The following MAGI2 variants were observed in gnomAD, a reference collection of about 807,000 sequenced individuals.
MAGI2 encodes membrane associated guanylate kinase, WW and PDZ domain containing 2, also known as membrane-associated guanylate kinase, WW and PDZ domain-containing protein 2.
In MAGI2, 35 loss-of-function variants were observed where a neutral mutation model predicts 133.3. The observed-to-expected ratio is 0.26, with a 90% CI of 0.20 to 0.35. The LOEUF (loss-of-function observed/expected upper bound fraction) is 0.35. Among genes scored for constraint, MAGI2 ranks in the 10% least tolerant of loss-of-function variants. The probability of loss-of-function intolerance (pLI) is 1.00; values close to 1 mark genes in which losing one functional copy is unlikely to be tolerated. For missense variants in MAGI2, 1,636 were observed against 1,863.4 expected (o/e 0.88, Z 2.25); for synonymous variants, 729 against 710.6 (o/e 1.03, Z -0.41).
intron 3 of MAGI2, among the ~76,000 whole-genome samples, chr7:78,548,937 T>A (rs930292094): frequency 6.6e-6 from 1 of 152,370 alleles, no homozygotes; most frequent in African/African-American, 2.4e-5. Flanking sequence ...TTAAAAAGCA[T>A]ACTGCCTTTC....
At chr7:78,275,532 T>A (rs1219421794) in intron 9 of MAGI2, among the ~76,000 whole-genome samples, 2 of 152,090 alleles carry the variant, frequency 1.3e-5, no homozygotes, top group African/African-American at 4.8e-5. Flanking sequence ...CTAGTCAGCC[T>A]GCCCAAGTCC....
chr7:79,101,971 C>G (rs1818024456), intron 1 of MAGI2, among the ~76,000 whole-genome samples: 1 of 151,898 alleles, frequency 6.6e-6, no homozygotes, highest in Admixed American at 6.6e-5. Context: ...TCACAGTAGA[C>G]TATGGCATGT....
chr7:78,397,877 T>G (rs1391225860), intron 6 of MAGI2, among the ~76,000 whole-genome samples: 1 of 152,166 alleles, frequency 6.6e-6, no homozygotes, highest in Non-Finnish European at 1.5e-5. Context: ...GGGCAACATA[T>G]TATATTTTTC....
intron 1 of MAGI2, among the ~76,000 whole-genome samples, chr7:79,273,017 C>T (rs574295777): frequency 6.6e-6 from 1 of 152,120 alleles, no homozygotes; most frequent in South Asian, 2.1e-4. Flanking sequence ...TTCCAAATTT[C>T]TGGAGGTTTT....
intron 1 of MAGI2, chr7:79,412,951 T>C (rs1585887883): frequency 6.6e-6 from 1 of 152,258 alleles, no homozygotes; most frequent in East Asian, 1.9e-4. Flanking sequence ...GGAGAAAATA[T>C]CCTCAAATCT....
chr7:78,511,513 T>A (rs971358435), intron 4 of MAGI2, among the ~76,000 whole-genome samples: 9 of 138,614 alleles, frequency 6.5e-5, no homozygotes, highest in Non-Finnish European at 1.0e-4. Flanking sequence ...GTATAGTGAC[T>A]TTTTTTTGCT....
At chr7:78,578,654 A>C (rs2150801035) in intron 3 of MAGI2, among the ~76,000 whole-genome samples, 1 of 152,262 alleles carries the variant, frequency 6.6e-6, no homozygotes, top group South Asian at 2.1e-4. Context: ...GAAAGGAAGA[A>C]GGAGGACTGC....
At chr7:78,235,536 G>A (rs996317200) in intron 10 of MAGI2, among the ~76,000 whole-genome samples, 2 of 152,026 alleles carry the variant, frequency 1.3e-5, no homozygotes, top group African/African-American at 4.8e-5. Context: ...GAGATCTGAT[G>A]GTTTTATGAG....
At position 78,427,501 on chromosome 7, in the gene MAGI2, T is replaced by G. The variant is rs76275945; in HGVS notation, c.1046-58288A>C. Among the ~76,000 whole-genome samples the G allele has an allele frequency of 8.3e-3, 1,270 of 152,256 alleles. 14 individuals are homozygous for G. Among genetic ancestry groups the G allele is most frequent in the African/African-American group, 0.025 (1,055 of 41,558 alleles). ...AGAGATAATGAGGAATATTTCATGATGATGAAAAGCTGAATTCATCACAAT... is the reference window on the plus strand; with the variant it reads ...AGAGATAATGAGGAATATTTCATGAGGATGAAAAGCTGAATTCATCACAAT... On this transcript the variant is annotated intron_variant, in intron 6 of 21. Coordinates refer to ENST00000354212, the MANE Select transcript of MAGI2 (RefSeq NM_012301.4).
chr7:78,977,250 T>C (rs1804339112), intron 2 of MAGI2, among the ~76,000 whole-genome samples: 1 of 151,402 alleles, frequency 6.6e-6, no homozygotes, highest in African/African-American at 2.4e-5. Context: ...ACATCACATA[T>C]AGGTCAATGT....
intron 1 of MAGI2, among the ~76,000 whole-genome samples, chr7:79,087,575 A>T (rs763145462): frequency 1.3e-5 from 2 of 151,850 alleles, no homozygotes; most frequent in African/African-American, 4.8e-5. Flanking sequence ...CTCATGTGTT[A>T]TATGTTACTC....
At chr7:78,498,642 C>T (rs1794342956) in intron 5 of MAGI2, among the ~76,000 whole-genome samples, 1 of 152,086 alleles carries the variant, frequency 6.6e-6, no homozygotes, top group Non-Finnish European at 1.5e-5. Context: ...AAGGACCAGA[C>T]AAAAAGACGC....
intron 6 of MAGI2, among the ~76,000 whole-genome samples, chr7:78,420,902 G>GA (rs1798734312): frequency 6.6e-6 from 1 of 152,174 alleles, no homozygotes; most frequent in Non-Finnish European, 1.5e-5. Context: ...GAATAAAAAG[G>GA]ATTAGAAAAG....
rs532804936 is a variant in MAGI2, at chr7:79,103,214, A to T, written c.302-96008T>A. On this transcript the variant is annotated intron_variant, in intron 1 of 21. Coordinates refer to ENST00000354212, the MANE Select transcript of MAGI2 (RefSeq NM_012301.4). Reference sequence around the variant, plus strand: ...TCCATAATCCAAGACAATTAAGCCAATTTAAAATATTAGTCTGGCATTTAA... The same window carrying T: ...TCCATAATCCAAGACAATTAAGCCATTTTAAAATATTAGTCTGGCATTTAA... Among the ~76,000 whole-genome samples the T allele has an allele frequency of 1.2e-4, 18 of 152,360 alleles. No individual in the cohort carries two copies. In the South Asian group the frequency reaches 3.7e-3, roughly 32 times the overall value.
chr7:78,084,285 C>A (rs995007398), intron 20 of MAGI2, among the ~76,000 whole-genome samples: 1 of 152,172 alleles, frequency 6.6e-6, no homozygotes, highest in East Asian at 1.9e-4. Context: ...CAGGCTAATG[C>A]CATCATCGTT....
At chr7:78,115,887 C>T (rs577724040) in intron 20 of MAGI2, among the ~76,000 whole-genome samples, 3 of 152,236 alleles carry the variant, frequency 2.0e-5, no homozygotes, top group African/African-American at 7.2e-5. Context: ...TTTTAAGAAC[C>T]TACCCCAGTA....
At chr7:78,540,405 G>A (rs1798315357) in intron 3 of MAGI2, among the ~76,000 whole-genome samples, 1 of 152,152 alleles carries the variant, frequency 6.6e-6, no homozygotes. Flanking sequence ...CACGTAGCCA[G>A]GCAGGCCAGT....
chr7:79,112,950 A>T (rs1819050887), intron 1 of MAGI2, among the ~76,000 whole-genome samples: 1 of 152,246 alleles, frequency 6.6e-6, no homozygotes, highest in Admixed American at 6.5e-5. Flanking sequence ...TTTATTTAGT[A>T]CATGAACTTT....
At chr7:78,479,858 C>G (rs922445204) in intron 6 of MAGI2, among the ~76,000 whole-genome samples, 1 of 151,590 alleles carries the variant, frequency 6.6e-6, no homozygotes, top group Non-Finnish European at 1.5e-5. Flanking sequence ...CTTTAACAAG[C>G]AATTATGAAT....
Sources: allele counts gnomAD v4.1 joint callset (sites outside exome capture counted in the v4.1 genomes callset), GRCh38; gene constraint gnomAD v4.1.1; transcripts MANE v1.5; gene names NCBI Gene and HGNC (gene_info 2026-07-23, HGNC 2026-07-21).